TMED6: variants seen among roughly 807,000 people sequenced by gnomAD.
TMED6 encodes the protein transmembrane emp24 domain-containing protein 6.
A neutral mutation model predicts 26.5 loss-of-function variants in TMED6; 17 were observed. That is an observed-to-expected ratio of 0.64 (90% CI 0.44 to 0.96). The LOEUF (loss-of-function observed/expected upper bound fraction) is 0.96. TMED6 is among the 40% of genes least tolerant of loss of function. The pLI is 0.00. For synonymous variants in TMED6, 107 were observed against 106.2 expected, an observed-to-expected ratio of 1.01 and a Z score of -0.04; for missense variants, 309 against 296.5, an observed-to-expected ratio of 1.04 and a Z score of -0.31.
intron 1 of TMED6, among the ~76,000 whole-genome samples, chr16:69,351,093 C>T (rs2012768810): frequency 1.3e-5 from 2 of 152,140 alleles, no homozygotes; most frequent in South Asian, 4.1e-4. Flanking sequence ...CCTAGTGAAT[C>T]TCTGACTTGC....
At position 69,343,559 on chromosome 16, in the gene TMED6, A is replaced by C. The variant is rs776732713; in HGVS notation, c.571T>G (p.Phe191Val). Residue 191 changes from phenylalanine (F) to valine (V), a missense_variant, in exon 4 of 4, where the codon TTT becomes GTT. Physicochemically the swap from Phe to Val is conservative, Grantham distance 50. Coordinates refer to ENST00000288025, the MANE Select transcript of TMED6 (RefSeq NM_144676.4). ...TTATAGTTTGATTGGATAAGGAAAA[A>C]GTCAGCCATTTTCCTCATCCGGGCA... ...NFARMRKMAD[F>V]FLIQSNYNYV... The C allele has an allele frequency of 5.0e-6, 8 of 1,613,946 alleles. No homozygotes were observed. The highest frequency in any genetic ancestry group is 5.9e-6 in the Non-Finnish European group (7 of 1,179,952).
chr16:69,351,322 T>C (rs375102529), intron 1 of TMED6, among the ~76,000 whole-genome samples: 2 of 152,222 alleles, frequency 1.3e-5, no homozygotes, highest in Non-Finnish European at 2.9e-5. Context: ...GCTTTGAGCA[T>C]GGCCCCTGAT....
chr16:69,346,040 C>T (rs190604604), intron 3 of TMED6, among the ~76,000 whole-genome samples: 7 of 152,236 alleles, frequency 4.6e-5, no homozygotes, highest in African/African-American at 7.2e-5. Flanking sequence ...CCAATACGCA[C>T]GTGAAAAGAT....
chr16:69,351,784 A>G lies in TMED6; in HGVS notation c.-31T>C, dbSNP rs1244752965. 1 of 1,603,754 alleles carries G rather than the reference A, an allele frequency of 6.2e-7. No homozygotes were observed. Among genetic ancestry groups the G allele is most frequent in the South Asian group, 1.1e-5 (1 of 90,908 alleles). On this transcript the variant is annotated 5_prime_UTR_variant, in exon 1 of 4. Transcript: ENST00000288025. ...TTTCTGGAGCCTCCTCTGCAGGTGAACTGCTCGCAGCCCAGGGAAATCAAG... is the reference window on the plus strand; with the variant it reads ...TTTCTGGAGCCTCCTCTGCAGGTGAGCTGCTCGCAGCCCAGGGAAATCAAG...
chr16:69,347,851 C>T lies in TMED6; in HGVS notation c.426G>A (p.Gly142=). The change falls in exon 3 of 4, where the codon GGG becomes GGA. Residue 142 remains glycine, a synonymous_variant. Coordinates refer to ENST00000288025, the MANE Select transcript of TMED6 (RefSeq NM_144676.4). ...VYLNFGVFYE[G]PETDHKQKER... is the part of the protein sequence containing the mutation. ...CCTTCTGTTTGTGATCAGTCTCAGG[C>T]CCCTCATAGAAGACCCCAAAGTTGA... 6.2e-7 allele frequency: 1 copy of T among 1,614,148 alleles called. No homozygotes were observed. Among genetic ancestry groups the T allele is most frequent in the Non-Finnish European group, 8.5e-7 (1 of 1,180,028 alleles).
At chr16:69,347,728 C>A in intron 3 of TMED6, 60 bp downstream of exon 3, 1 of 1,600,142 alleles carries the variant, frequency 6.2e-7, no homozygotes, top group Admixed American at 1.7e-5. Context: ...AAGTCATCTT[C>A]CCTCTGAAGT....
At chr16:69,347,963 A>G in intron 2 of TMED6, 27 bp from the exon 3 acceptor site, 1 of 1,612,576 alleles carries the variant, frequency 6.2e-7, no homozygotes, top group East Asian at 2.2e-5. Flanking sequence ...ATCATTACCA[A>G]GTCTTTGGTC....
At position 69,349,649 on chromosome 16, in the gene TMED6, A is replaced by T. The variant is rs141266218; in HGVS notation, c.216T>A (p.Val72=). 169 of 1,613,274 alleles carry T rather than the reference A, an allele frequency of 1.0e-4. No homozygotes were observed. Among genetic ancestry groups the T allele is most frequent in the Admixed American group, 2.2e-4 (13 of 59,972 alleles). The change falls in exon 2 of 4, where the codon GTT becomes GTA. Residue 72 remains valine (V), a splice_region_variant and synonymous_variant. Coordinates refer to ENST00000288025, the MANE Select transcript of TMED6 (RefSeq NM_144676.4). ...QTGYFYFSYE[V]QRTVGMSHDR... is the part of the protein sequence containing the mutation. Reference sequence around the variant, plus strand: ...CATGTGACATCCCCACTGTCCGCTGAACCTGCCAAGACACATTAAATAGGT... The same window carrying T: ...CATGTGACATCCCCACTGTCCGCTGTACCTGCCAAGACACATTAAATAGGT...
In TMED6 at chr16:69,343,365, A is replaced by G. The variant is rs912227621; in HGVS notation, c.*42T>C. 2.0e-6 allele frequency: 3 copies of G among 1,536,498 alleles called. No homozygotes were observed. In the African/African-American group the frequency reaches 4.1e-5, roughly 21 times the overall value. On this transcript the variant is annotated 3_prime_UTR_variant, in exon 4 of 4. Coordinates refer to ENST00000288025, the MANE Select transcript of TMED6 (RefSeq NM_144676.4). ...TAACATTACAAAGCTGATTCGACTAAGCCCCAGAAGAAAACAGCCAGGGTG... is the reference window on the plus strand; with the variant it reads ...TAACATTACAAAGCTGATTCGACTAGGCCCCAGAAGAAAACAGCCAGGGTG...
At chr16:69,349,741 G>T in intron 1 of TMED6, 90 bp from the exon 2 acceptor site, 1 of 1,518,228 alleles carries the variant, frequency 6.6e-7, no homozygotes, top group Non-Finnish European at 8.9e-7. Context: ...ACGGTCATCA[G>T]CACAGCGGTC....
intron 2 of TMED6, among the ~76,000 whole-genome samples, chr16:69,348,854 A>G (rs1362364686): frequency 1.3e-5 from 2 of 152,186 alleles, no homozygotes; most frequent in Non-Finnish European, 2.9e-5. Context: ...ACCTCAGGTG[A>G]TCCGCCCACC....
In TMED6 at chr16:69,351,750, A is replaced by G. The variant is rs2142686466; in HGVS notation, c.4T>C (p.Ser2Pro). The change falls in exon 1 of 4, where the codon TCC becomes CCC. Residue 2 changes from serine to proline, a missense_variant. Physicochemically the swap from Ser to Pro is moderately conservative, Grantham distance 74 (BLOSUM62 -1). Coordinates refer to ENST00000288025, the MANE Select transcript of TMED6 (RefSeq NM_144676.4). ...AGCCCAGCCCCAAAGAGCAAAGGGG[A>G]CATGCCGCTTTCTGGAGCCTCCTCT... is the stretch of plus-strand genomic sequence containing the variant. Reference protein sequence around the residue: MSPLLFGAGLVV... With the variant: MPPLLFGAGLVV... The G allele has an allele frequency of 6.2e-7, 1 of 1,612,130 alleles. No homozygotes were observed. The highest frequency in any genetic ancestry group is 8.5e-7 in the Non-Finnish European group (1 of 1,179,402).
intron 2 of TMED6, 114 bp downstream of exon 2, chr16:69,349,411 T>A: frequency 3.0e-6 from 4 of 1,343,248 alleles, no homozygotes; most frequent in Non-Finnish European, 4.0e-6. Flanking sequence ...GTTTTTGGTG[T>A]TAAAGGCTGA....
chr16:69,345,150 G>A (rs565703985), intron 3 of TMED6, among the ~76,000 whole-genome samples: 27 of 152,136 alleles, frequency 1.8e-4, no homozygotes, highest in African/African-American at 4.6e-4. Context: ...TGTGGCACAC[G>A]CCTGTAGTCC....
intron 1 of TMED6, among the ~76,000 whole-genome samples, chr16:69,350,466 A>G (rs373718265): frequency 9.9e-5 from 15 of 151,802 alleles, no homozygotes; most frequent in Middle Eastern, 3.4e-3. Flanking sequence ...AGCCCGGCTA[A>G]TTTTTGTATT....
Position 69,343,446 on chromosome 16 carries a change from A to G in TMED6, c.684T>C (p.Asn228=). 1 of 1,614,206 alleles carries G rather than the reference A, an allele frequency of 6.2e-7. No homozygotes were observed. The highest frequency in any genetic ancestry group is 2.2e-5 in the East Asian group (1 of 44,878). The part of the protein sequence containing the change: ...LQLYFLKRLF[N]VPTTTDTKKP... ...TCTTTGTATCTGTAGTTGTTGGAAC[A>G]TTGAAGAGACGCTTCAAGAAATACA... is the stretch of plus-strand genomic sequence containing the variant. Residue 228 remains asparagine (N), a synonymous_variant, in exon 4 of 4, where the codon AAT becomes AAC. Coordinates refer to ENST00000288025, the MANE Select transcript of TMED6 (RefSeq NM_144676.4).
chr16:69,347,040 A>G (rs2012697282), intron 3 of TMED6, among the ~76,000 whole-genome samples: 1 of 152,138 alleles, frequency 6.6e-6, no homozygotes, highest in African/African-American at 2.4e-5. Context: ...CCTGTCTCAA[A>G]AATTAAGTAT....
intron 3 of TMED6, among the ~76,000 whole-genome samples, chr16:69,346,824 T>C (rs1008646377): frequency 5.9e-5 from 9 of 152,114 alleles, no homozygotes; most frequent in Admixed American, 3.3e-4. Flanking sequence ...ATAAAGTGTA[T>C]AGAGGCCAGC....
intron 3 of TMED6, among the ~76,000 whole-genome samples, chr16:69,344,391 T>C (rs1334776178): frequency 1.3e-5 from 2 of 152,188 alleles, no homozygotes; most frequent in East Asian, 3.8e-4. Context: ...AATATGTAAT[T>C]GTCAAATGAG....
Sources: allele counts gnomAD v4.1 joint callset (sites outside exome capture counted in the v4.1 genomes callset), GRCh38; gene constraint gnomAD v4.1.1; transcripts MANE v1.5; gene names NCBI Gene and HGNC (gene_info 2026-07-23, HGNC 2026-07-21).